BCKDHB: variants seen among roughly 807,000 people sequenced by gnomAD.
BCKDHB encodes 2-oxoisovalerate dehydrogenase subunit beta, mitochondrial.
In BCKDHB, 41 loss-of-function variants were observed where a neutral mutation model predicts 48.5. That is an observed-to-expected ratio of 0.85 (90% CI 0.66 to 1.10). BCKDHB has a LOEUF of 1.10. BCKDHB is among the 50% of genes least tolerant of loss of function. The probability of loss-of-function intolerance (pLI) is 0.00; values close to 1 mark genes in which losing one functional copy is unlikely to be tolerated. For synonymous variants in BCKDHB, 201 were observed against 174.8 expected, an observed-to-expected ratio of 1.15 and a Z score of -1.18; for missense variants, 496 against 494.2, an observed-to-expected ratio of 1.00 and a Z score of -0.03.
chr6:80,157,129 T>G (rs754211577), intron 3 of BCKDHB, among the ~76,000 whole-genome samples: 9 of 152,296 alleles, frequency 5.9e-5, no homozygotes, highest in Middle Eastern at 3.4e-3. Context: ...TCATGATAGC[T>G]AACCTTCAAC....
At chr6:80,250,159 C>A (rs1776777760) in intron 8 of BCKDHB, among the ~76,000 whole-genome samples, 1 of 152,094 alleles carries the variant, frequency 6.6e-6, no homozygotes, top group East Asian at 1.9e-4. Context: ...CCCCAACAGC[C>A]ACTGCCACCA....
intron 3 of BCKDHB, among the ~76,000 whole-genome samples, chr6:80,139,579 G>T (rs1424495704): frequency 8.6e-5 from 13 of 151,348 alleles, no homozygotes; most frequent in Admixed American, 8.6e-4. Flanking sequence ...CCCATTGCTT[G>T]TTTTTCTCAG....
intron 8 of BCKDHB, among the ~76,000 whole-genome samples, chr6:80,214,009 T>C (rs1293984738): frequency 6.6e-6 from 1 of 152,156 alleles, no homozygotes; most frequent in Admixed American, 6.5e-5. Flanking sequence ...TAGCATTCTT[T>C]CCTCCCATCC....
chr6:80,331,497 T>G (rs79870887), intron 9 of BCKDHB, among the ~76,000 whole-genome samples: 1,601 of 152,304 alleles, frequency 0.011, 22 homozygotes, highest in African/African-American at 0.036. Flanking sequence ...GTTGATCCAA[T>G]AAATTTATCA....
the BCKDHB span, among the ~76,000 whole-genome samples, chr6:80,451,748 G>T: frequency 1.4e-5 from 2 of 147,818 alleles, no homozygotes; most frequent in Non-Finnish European, 3.0e-5. Context: ...AAAAAAAAAA[G>T]AAAGTGACAT....
intron 8 of BCKDHB, among the ~76,000 whole-genome samples, chr6:80,228,349 A>G (rs918786270): frequency 6.6e-6 from 1 of 152,196 alleles, no homozygotes; most frequent in African/African-American, 2.4e-5. Context: ...TTTGCTTCCA[A>G]TATTCAAAAA....
At chr6:80,325,379 A>T (rs1768981756) in intron 9 of BCKDHB, among the ~76,000 whole-genome samples, 1 of 152,176 alleles carries the variant, frequency 6.6e-6, no homozygotes, top group Non-Finnish European at 1.5e-5. Context: ...TATTTTATAG[A>T]AAAATGTAAT....
At chr6:80,400,046 G>A in the BCKDHB span, among the ~76,000 whole-genome samples, 1 of 151,978 alleles carries the variant, frequency 6.6e-6, no homozygotes, top group African/African-American at 2.4e-5. Flanking sequence ...GATTGAAACT[G>A]TACTCCTTCC....
At chr6:80,204,068 T>A (rs1455758509) in intron 8 of BCKDHB, among the ~76,000 whole-genome samples, 1 of 152,098 alleles carries the variant, frequency 6.6e-6, no homozygotes, top group African/African-American at 2.4e-5. Context: ...AACAATGACA[T>A]GTATTATTTT....
At chr6:80,410,270 T>C in the BCKDHB span, among the ~76,000 whole-genome samples, 2 of 152,220 alleles carry the variant, frequency 1.3e-5, no homozygotes, top group Non-Finnish European at 2.9e-5. Flanking sequence ...TCTTGAATAC[T>C]GGCCCCCACA....
At chr6:80,197,594 G>A (rs1219562386) in intron 6 of BCKDHB, among the ~76,000 whole-genome samples, 1 of 152,164 alleles carries the variant, frequency 6.6e-6, no homozygotes, top group East Asian at 1.9e-4. Context: ...AGAATTGTGT[G>A]TTCCAGGGAT....
At chr6:80,230,026 G>GTTTTTTTTTTTTTTTTTT (rs551632775) in intron 8 of BCKDHB, among the ~76,000 whole-genome samples, 4 of 60,660 alleles carry the variant, frequency 6.6e-5, no homozygotes, top group African/African-American at 2.1e-4. Flanking sequence ...TTTTTAGGTT[G>GTTTTTTTTTTTTTTTTTT]TTTTTTTTTT....
At chr6:80,422,800 C>A in the BCKDHB span, among the ~76,000 whole-genome samples, 1 of 152,178 alleles carries the variant, frequency 6.6e-6, no homozygotes, top group African/African-American at 2.4e-5. Context: ...GCCTCTACCC[C>A]AGTTGTATCT....
chr6:80,219,202 C>G (rs1341347442), intron 8 of BCKDHB, among the ~76,000 whole-genome samples: 1 of 143,660 alleles, frequency 7.0e-6, no homozygotes, highest in African/African-American at 2.5e-5. Flanking sequence ...GGAATTTACT[C>G]TTTTTTTTTT....
the BCKDHB span, among the ~76,000 whole-genome samples, chr6:80,389,399 C>G: frequency 6.6e-6 from 1 of 152,230 alleles, no homozygotes; most frequent in Admixed American, 6.5e-5. Context: ...TCAGGGTGAT[C>G]AGTCAGCTAC....
chr6:80,155,321 G>A lies in BCKDHB; in HGVS notation c.344-12357G>A, dbSNP rs939453997. ...TTAAAACTGTTTTGTATTTGTGGCT[G>A]TGGTGCCAGATAACAAGGTCTAATT... On this transcript the variant is annotated intron_variant, in intron 3 of 9. Coordinates refer to ENST00000320393, the MANE Select transcript of BCKDHB (RefSeq NM_183050.4). Among the ~76,000 whole-genome samples the A allele has an allele frequency of 4.6e-5, 7 of 152,124 alleles. No individual in the cohort carries two copies. The East Asian group carries it at 1.3e-3, about 29-fold the overall frequency.
chr6:80,405,052 A>C, the BCKDHB span, among the ~76,000 whole-genome samples: 1 of 151,918 alleles, frequency 6.6e-6, no homozygotes, highest in African/African-American at 2.4e-5. Context: ...CTTTGGGTCC[A>C]TTTCCTCTAT....
chr6:80,314,830 G>A (rs995026940), intron 9 of BCKDHB, among the ~76,000 whole-genome samples: 1 of 152,238 alleles, frequency 6.6e-6, no homozygotes, highest in African/African-American at 2.4e-5. Flanking sequence ...CCCACTTAGC[G>A]AGAAGGAATA....
intron 9 of BCKDHB, among the ~76,000 whole-genome samples, chr6:80,323,629 A>G (rs553815270): frequency 6.6e-6 from 1 of 152,268 alleles, no homozygotes; most frequent in Admixed American, 6.5e-5. Flanking sequence ...CCTAACATAC[A>G]CTTTCTCATC....
Sources: gnomAD v4.1 joint callset for allele counts (sites outside exome capture counted in the v4.1 genomes callset) on GRCh38, gnomAD v4.1.1 for gene constraint, MANE v1.5 for transcripts, NCBI Gene and HGNC (gene_info 2026-07-23, HGNC 2026-07-21) for gene names.